Variants in BDP1 observed in about 807,000 individuals in gnomAD.
The protein encoded by BDP1 is BDP1 general transcription factor IIIB subunit, also known as transcription factor TFIIIB component B'' homolog.
A neutral mutation model predicts 266.6 loss-of-function variants in BDP1; 169 were observed. The ratio of observed to expected loss-of-function variants is 0.63; its 90% CI spans 0.56 to 0.72. The LOEUF is 0.72. Among genes scored for constraint, BDP1 ranks in the 30% least tolerant of loss-of-function variants. BDP1 has a pLI of 0.00. For synonymous variants in BDP1, 1,090 were observed against 1,022.4 expected, an observed-to-expected ratio of 1.07 and a Z score of -1.26; for missense variants, 3,015 against 3,053.8, an observed-to-expected ratio of 0.99 and a Z score of 0.30.
At chr5:71,543,499 T>C (rs766117393) in intron 30 of BDP1, among the ~76,000 whole-genome samples, 1 of 152,084 alleles carries the variant, frequency 6.6e-6, no homozygotes, top group Non-Finnish European at 1.5e-5. Flanking sequence ...ACTCAGAGGT[T>C]TGAGCTCGCC....
chr5:71,520,811 A>C (rs529027119), intron 22 of BDP1, among the ~76,000 whole-genome samples: 1 of 152,338 alleles, frequency 6.6e-6, no homozygotes, highest in African/African-American at 2.4e-5. Flanking sequence ...AAATCAGTAG[A>C]GAAAAATAAA....
At chr5:71,470,264 TAAG>T (rs1303855918) in intron 6 of BDP1, 128 bp from the exon 7 acceptor site, 2 of 666,818 alleles carry the variant, frequency 3.0e-6, no homozygotes, top group Non-Finnish European at 5.2e-6. Context: ...TTATTTATAA[TAAG>T]GTGTTTTTAG....
chr5:71,477,159 CCTTTT>C (rs1392426042), intron 7 of BDP1, among the ~76,000 whole-genome samples: 7 of 151,792 alleles, frequency 4.6e-5, no homozygotes, highest in African/African-American at 7.3e-5. Flanking sequence ...TTTTTCCTTT[CCTTTT>C]CTTTTTTTTT....
At chr5:71,539,873 A>G (rs1252625942) in intron 28 of BDP1, among the ~76,000 whole-genome samples, 1 of 152,014 alleles carries the variant, frequency 6.6e-6, no homozygotes, top group Non-Finnish European at 1.5e-5. Flanking sequence ...ATTAAGAATA[A>G]TTTGTATTCA....
intron 4 of BDP1, 67 bp downstream of exon 4, chr5:71,464,184 TC>T: frequency 1.0e-6 from 1 of 980,910 alleles, no homozygotes; most frequent in Non-Finnish European, 1.5e-6. Flanking sequence ...AAATGGTGCT[TC>T]CTGTTATAGT....
intron 16 of BDP1, among the ~76,000 whole-genome samples, chr5:71,508,917 A>G (rs944751345): frequency 6.6e-6 from 1 of 152,216 alleles, no homozygotes; most frequent in African/African-American, 2.4e-5. Flanking sequence ...TGAAATAACA[A>G]GCCTTTAGAG....
chr5:71,525,839 G>T (rs916122996), intron 25 of BDP1, among the ~76,000 whole-genome samples: 3 of 151,992 alleles, frequency 2.0e-5, no homozygotes, highest in African/African-American at 7.2e-5. Context: ...CTTCTCAGAC[G>T]GTGTGGCTGC....
At position 71,502,688 on chromosome 5, in the gene BDP1, CA is replaced by C. The variant is rs1561716194; in HGVS notation, c.2141del (p.Asn714MetfsTer22). ...QVRGRLQKPK[P>X]NAGKAAERKE... is the part of the protein sequence containing the mutation. ...AGGGGCCGATTGCAAAAGCCAAAGCCAAATGCAGGTAAAGCTGCTGAAAGAA... is the reference window on the plus strand; with the variant it reads ...AGGGGCCGATTGCAAAAGCCAAAGCCAATGCAGGTAAAGCTGCTGAAAGAA... On this transcript the variant is annotated frameshift_variant, in exon 15 of 39. Transcript: ENST00000358731. LOFTEE classifies it high-confidence loss of function. 1 of 1,613,922 alleles carries C rather than the reference CA, an allele frequency of 6.2e-7. No homozygotes were observed. Among genetic ancestry groups the C allele is most frequent in the Non-Finnish European group, 8.5e-7 (1 of 1,179,986 alleles).
chr5:71,556,781 T>TGGGAGATAACATA, intron 35 of BDP1, 105 bp from the exon 36 acceptor site: 1 of 552,390 alleles, frequency 1.8e-6, no homozygotes, highest in Non-Finnish European at 3.1e-6. Flanking sequence ...AAGAGCTTTT[T>TGGGAGATAACATA]GGGAGATAAC....
chr5:71,469,895 G>A, intron 6 of BDP1, among the ~76,000 whole-genome samples: 1 of 146,920 alleles, frequency 6.8e-6, no homozygotes, highest in East Asian at 2.0e-4. Context: ...AGGTTGGAGT[G>A]CAATGGCACG....
chr5:71,473,496 A>G (rs924437099), intron 7 of BDP1, among the ~76,000 whole-genome samples: 1 of 151,280 alleles, frequency 6.6e-6, no homozygotes, highest in African/African-American at 2.4e-5. Flanking sequence ...GGATGATCCT[A>G]TCTCCTGACC....
rs1580105293 is a variant in BDP1 at position 71,509,784 on chromosome 5, A to T, written c.2692A>T (p.Met898Leu). ...ILDVIDDTIE[M>L]ETGLKAMGRE... ...AGATGTGATTGATGACACCATAGAA[A>T]TGGAGACAGGTCTGAAAGCAATGGG... Residue 898 changes from methionine to leucine, a missense_variant, in exon 17 of 39, where the codon ATG becomes TTG. Physicochemically the swap from Met to Leu is conservative, Grantham distance 15 (BLOSUM62 2). Coordinates refer to ENST00000358731, the MANE Select transcript of BDP1 (RefSeq NM_018429.3). 1 of 1,614,198 alleles carries T rather than the reference A, an allele frequency of 6.2e-7. No individual in the cohort carries two copies. Among genetic ancestry groups the T allele is most frequent in the Non-Finnish European group, 8.5e-7 (1 of 1,180,024 alleles).
chr5:71,559,902 G>T, intron 36 of BDP1, 80 bp from the exon 37 acceptor site: 1 of 1,423,176 alleles, frequency 7.0e-7, no homozygotes. Flanking sequence ...GAATACCATG[G>T]GTTTCTTTTC....
intron 15 of BDP1, 120 bp downstream of exon 15, chr5:71,502,911 C>T (rs935985307): frequency 1.9e-5 from 15 of 788,150 alleles, no homozygotes; most frequent in South Asian, 1.1e-4. Flanking sequence ...TTATTTATGA[C>T]GGAGTCTTGC....
At chr5:71,526,616 A>AG (rs1765898941) in intron 25 of BDP1, among the ~76,000 whole-genome samples, 2 of 54,592 alleles carry the variant, frequency 3.7e-5, no homozygotes, top group African/African-American at 1.4e-4. Context: ...ACTCTATCTC[A>AG]AAAAAAAAAA....
Position 71,515,057 on chromosome 5 carries a change from T to C in BDP1, c.4584T>C (p.Ser1528=). The stretch of plus-strand genomic sequence containing the variant: ...AAAGGAACCTTTCACCTTCAAATTC[T>C]TGTGAACCTAAAGAGGAGTCTCAGT... ...QTERNLSPSN[S]CEPKEESQSA... is the part of the protein sequence containing the mutation. Residue 1528 remains serine, a synonymous_variant, in exon 20 of 39, where the codon TCT becomes TCC. Transcript: ENST00000358731. 2 of 1,613,282 alleles carry C rather than the reference T, an allele frequency of 1.2e-6. No homozygotes were observed. Among genetic ancestry groups the C allele is most frequent in the Non-Finnish European group, 1.7e-6 (2 of 1,179,664 alleles).
chr5:71,527,160 A>G (rs551535779), intron 25 of BDP1, among the ~76,000 whole-genome samples: 11 of 152,144 alleles, frequency 7.2e-5, no homozygotes, highest in African/African-American at 2.2e-4. Flanking sequence ...AGCTCAGGCA[A>G]TCCTCCTGCC....
At chr5:71,466,964 G>C (rs950734730) in intron 5 of BDP1, among the ~76,000 whole-genome samples, 1 of 152,120 alleles carries the variant, frequency 6.6e-6, no homozygotes, top group Non-Finnish European at 1.5e-5. Context: ...ATATTTAACT[G>C]CTTTCTCTGC....
At chr5:71,539,520 C>A (rs1766830521) in intron 27 of BDP1, 37 bp from the exon 28 acceptor site, 1 of 1,505,514 alleles carries the variant, frequency 6.6e-7, no homozygotes, top group Non-Finnish European at 9.2e-7. Flanking sequence ...TTTCCGGATT[C>A]ATTCTTTTTT....
Sources: allele counts gnomAD v4.1 joint callset (sites outside exome capture counted in the v4.1 genomes callset), GRCh38; gene constraint gnomAD v4.1.1; transcripts MANE v1.5; gene names NCBI Gene and HGNC (gene_info 2026-07-23, HGNC 2026-07-21).